The following PRSS57 variants were observed in gnomAD, a reference collection of about 807,000 sequenced individuals.
The protein encoded by PRSS57 is serine protease 57.
Under a neutral mutation model 20.6 loss-of-function variants are expected in PRSS57, and 19 were observed. The observed-to-expected ratio is 0.92, with a 90% CI of 0.64 to 1.35. The LOEUF (loss-of-function observed/expected upper bound fraction) is 1.35. Ranked by LOEUF, PRSS57 falls within the 40% of genes most tolerant of loss-of-function variation. The pLI, the probability that PRSS57 is intolerant of heterozygous loss-of-function variation, is 0.00. For synonymous variants in PRSS57, 203 were observed against 176.6 expected, an observed-to-expected ratio of 1.15 and a Z score of -1.19; for missense variants, 440 against 403.7, an observed-to-expected ratio of 1.09 and a Z score of -0.77.
intron 3 of PRSS57, among the ~76,000 whole-genome samples, chr19:689,275 G>A (rs1397196354): frequency 6.6e-6 from 1 of 151,698 alleles, no homozygotes; most frequent in Non-Finnish European, 1.5e-5. Flanking sequence ...TGGTCCAGGG[G>A]TTAGCAGGTG....
intron 3 of PRSS57, chr19:690,694 C>T: frequency 6.4e-6 from 2 of 314,820 alleles, no homozygotes; most frequent in Non-Finnish European, 6.2e-6. Flanking sequence ...CGTCTGTTCC[C>T]ACCGGGGACT....
chr19:691,701 C>T (rs1405029110), intron 3 of PRSS57, among the ~76,000 whole-genome samples, 157 bp downstream of exon 3: 1 of 151,514 alleles, frequency 6.6e-6, no homozygotes, highest in Non-Finnish European at 1.5e-5. Context: ...CACCTGTAAT[C>T]CCATGTACTT....
At chr19:690,859 G>T in intron 3 of PRSS57, 1 of 357,658 alleles carries the variant, frequency 2.8e-6, no homozygotes. Flanking sequence ...CTGGCAAGGT[G>T]ACAGGCCGCT....
intron 4 of PRSS57, 105 bp downstream of exon 4, chr19:686,820 A>C: frequency 7.1e-7 from 1 of 1,398,834 alleles, no homozygotes; most frequent in Non-Finnish European, 9.7e-7. Flanking sequence ...CGTCTGGTCC[A>C]ACATCAATGG....
rs751393663 is a variant in PRSS57, at chr19:691,894, G to A, written c.342C>T (p.His114=). The change falls in exon 3 of 5, where the codon CAC becomes CAT. Residue 114 remains histidine, a synonymous_variant. Transcript: ENST00000329267. ...AGATGTCGTTGGCGTGGGTCATGGG[G>A]TGGTAGTCGGGGTGTGTGGTGAGAG... ...IDALTTHPDY[H]PMTHANDICL... The A allele has an allele frequency of 7.5e-7, 1 of 1,340,444 alleles. No individual in the cohort carries two copies. The highest frequency in any genetic ancestry group is 2.5e-5 in the South Asian group (1 of 39,878). 83.0% of individuals were successfully genotyped at this position (1,340,444 alleles called of 1,614,324 possible).
chr19:687,799 A>C (rs7359916), intron 3 of PRSS57, among the ~76,000 whole-genome samples: 56,533 of 151,960 alleles, frequency 0.37, 11,332 homozygotes, highest in African/African-American at 0.5. Context: ...CTCACCAGCC[A>C]GGGCCTCTGA....
intron 3 of PRSS57, chr19:690,791 G>T: frequency 2.9e-6 from 1 of 349,362 alleles, no homozygotes; most frequent in Non-Finnish European, 5.5e-6. Flanking sequence ...CAAGCTCTCC[G>T]TTGTCCCCAT....
chr19:685,984 C>G (rs1464195189), intron 4 of PRSS57, 62 bp from the exon 5 acceptor site: 2 of 1,400,020 alleles, frequency 1.4e-6, no homozygotes, highest in Middle Eastern at 2.1e-4. Flanking sequence ...CATCTCACCA[C>G]GGCCCTCCCT....
chr19:695,411 C>T lies in PRSS57; in HGVS notation c.20G>A (p.Gly7Asp). The T allele has an allele frequency of 7.9e-7, 1 of 1,271,998 alleles. No homozygotes were observed. Among genetic ancestry groups the T allele is most frequent in the Non-Finnish European group, 1.0e-6 (1 of 1,002,874 alleles). The allele number at this position is 1,271,998 out of a possible 1,614,324, so 78.8% of individuals were successfully genotyped here. The change falls in exon 1 of 5, where the codon GGC becomes GAC. Residue 7 changes from glycine (G) to aspartate (D), a missense_variant. By Grantham distance (94) the Gly-to-Asp change is moderately conservative (BLOSUM62 -1). Transcript: ENST00000329267. MGLGLRGWGRPLLTVAT... is the reference protein window; with the variant it reads MGLGLRDWGRPLLTVAT... Reference sequence around the variant, plus strand: ...CACAGTCAGCAGAGGACGTCCCCAGCCCCTCAACCCGAGCCCCATGGCAGA... The same window carrying T: ...CACAGTCAGCAGAGGACGTCCCCAGTCCCTCAACCCGAGCCCCATGGCAGA...
At chr19:695,226 G>A (rs918176223) in intron 1 of PRSS57, 126 bp downstream of exon 1, 8 of 492,368 alleles carry the variant, frequency 1.6e-5, no homozygotes, top group East Asian at 3.5e-5. Context: ...AGGCAGCCAC[G>A]GGGGCTCGGC....
rs182378326 is a variant in PRSS57 at position 687,204 on chromosome 19, G to T, written c.379-16C>A. On this transcript the variant is annotated splice_polypyrimidine_tract_variant and intron_variant, in intron 3 of 4. Coordinates refer to ENST00000329267, the MANE Select transcript of PRSS57 (RefSeq NM_001308209.2). ...AGCCGTTCAGCTGCAGGGAGAGCAT[G>T]AGTTCAGGCCACTGGGCTCCCTCCC... 1.5e-4 allele frequency: 227 copies of T among 1,499,666 alleles called. No homozygotes were observed. The African/African-American group carries it at 2.9e-3, about 19-fold the overall frequency. The allele number at this position is 1,499,666 out of a possible 1,614,324, so 92.9% of individuals were successfully genotyped here. A position where few individuals can be genotyped will look rare whatever the true frequency, so the allele number is the denominator to read the frequency against.
rs540393570 is a variant in PRSS57, at chr19:685,608, G to T, written c.*108C>A. 8.2e-6 allele frequency: 9 copies of T among 1,098,628 alleles called. No individual in the cohort carries two copies. Among genetic ancestry groups the T allele is most frequent in the Admixed American group, 2.8e-5 (1 of 35,294 alleles). The allele number at this position is 1,098,628 out of a possible 1,614,324, so 68.1% of individuals were successfully genotyped here. A position where few individuals can be genotyped will look rare whatever the true frequency, so the allele number is the denominator to read the frequency against. ...GCATGTGGAATGGGTGTGCCCCACC[G>T]CTGCCCGTCCCACCCCAACCCTGAA... On this transcript the variant is annotated 3_prime_UTR_variant, in exon 5 of 5. Transcript: ENST00000329267.
At chr19:688,948 G>A (rs1389914353) in intron 3 of PRSS57, among the ~76,000 whole-genome samples, 4 of 152,188 alleles carry the variant, frequency 2.6e-5, no homozygotes, top group Non-Finnish European at 5.9e-5. Context: ...GGGCCCGAGA[G>A]GCACATTCAT....
At chr19:695,105 G>T in intron 1 of PRSS57, 138 bp from the exon 2 acceptor site, 1 of 874,786 alleles carries the variant, frequency 1.1e-6, no homozygotes, top group Non-Finnish European at 1.6e-6. Context: ...GAGAGCTGGA[G>T]ACAGAGCCCA....
chr19:693,853 C>A (rs1360450997), intron 2 of PRSS57, among the ~76,000 whole-genome samples: 2 of 152,144 alleles, frequency 1.3e-5, no homozygotes, highest in Non-Finnish European at 2.9e-5. Context: ...CATTCTCCTG[C>A]CTCAGCCTCC....
chr19:691,458 T>C (rs2144814280), intron 3 of PRSS57, among the ~76,000 whole-genome samples: 1 of 145,098 alleles, frequency 6.9e-6, no homozygotes, highest in Non-Finnish European at 1.5e-5. Flanking sequence ...TGAGCCGAGA[T>C]GGCGCCATTG....
chr19:686,444 G>A (rs2031475576), intron 4 of PRSS57, among the ~76,000 whole-genome samples: 1 of 152,028 alleles, frequency 6.6e-6, no homozygotes, highest in African/African-American at 2.4e-5. Flanking sequence ...TACAGATGGA[G>A]AAAAAGAGGC....
chr19:693,976 G>A lies in PRSS57; in HGVS notation c.233+838C>T, dbSNP rs550592011. On this transcript the variant is annotated intron_variant, in intron 2 of 4. Transcript: ENST00000329267. ...AGGATGGTCTCGATCTCCTGACCTC[G>A]TGATCCTCCTGCCTCGGCCTCCCAA... Among the ~76,000 whole-genome samples the A allele has an allele frequency of 1.3e-4, 20 of 152,138 alleles. No individual in the cohort carries two copies. The South Asian group carries it at 3.3e-3, about 25-fold the overall frequency.
At chr19:687,351 C>T (rs1436187988) in intron 3 of PRSS57, among the ~76,000 whole-genome samples, 163 bp from the exon 4 acceptor site, 1 of 152,200 alleles carries the variant, frequency 6.6e-6, no homozygotes, top group Non-Finnish European at 1.5e-5. Context: ...AACACAGGCC[C>T]CTACCCCTCA....
Sources: gnomAD v4.1 joint callset for allele counts (sites outside exome capture counted in the v4.1 genomes callset) on GRCh38, gnomAD v4.1.1 for gene constraint, MANE v1.5 for transcripts, NCBI Gene and HGNC (gene_info 2026-07-23, HGNC 2026-07-21) for gene names.